Variants in SOX5 observed in about 807,000 individuals in gnomAD.
The protein encoded by SOX5 is SRY-box transcription factor 5.
Under a neutral mutation model 92.0 loss-of-function variants are expected in SOX5, and 9 were observed. The observed-to-expected ratio is 0.10, with a 90% confidence interval of 0.06 to 0.17. The LOEUF (loss-of-function observed/expected upper bound fraction) is 0.17. SOX5 is among the 10% of genes least tolerant of loss of function. The pLI is 1.00. For missense variants in SOX5, 642 were observed against 944.5 expected, an observed-to-expected ratio of 0.68 and a Z score of 4.20; for synonymous variants, 344 against 336.3, an observed-to-expected ratio of 1.02 and a Z score of -0.25.
chr12:23,727,619 T>C (rs2093204505), intron 6 of SOX5, among the ~76,000 whole-genome samples: 1 of 152,128 alleles, frequency 6.6e-6, no homozygotes, highest in African/African-American at 2.4e-5. Flanking sequence ...ACCTACTCAA[T>C]AAATTTAAAT....
intron 1 of SOX5, among the ~76,000 whole-genome samples, chr12:24,489,214 T>C (rs1391640791): frequency 6.6e-6 from 1 of 152,218 alleles, no homozygotes; most frequent in Non-Finnish European, 1.5e-5. Context: ...CCTAAATGAC[T>C]CTGATGGAGA....
chr12:24,334,508 C>A (rs1436272024), intron 2 of SOX5, among the ~76,000 whole-genome samples: 1 of 152,160 alleles, frequency 6.6e-6, no homozygotes, highest in East Asian at 1.9e-4. Context: ...CCTTTTATTG[C>A]CTGTCGTTTT....
chr12:23,549,496 G>A (rs1943769256), intron 11 of SOX5, among the ~76,000 whole-genome samples: 1 of 151,842 alleles, frequency 6.6e-6, no homozygotes, highest in Admixed American at 6.6e-5. Context: ...ACAGCACTTA[G>A]GAATGCTGAT....
intron 3 of SOX5, among the ~76,000 whole-genome samples, chr12:24,235,264 G>A (rs984670412): frequency 6.6e-6 from 1 of 152,148 alleles, no homozygotes; most frequent in African/African-American, 2.4e-5. Context: ...CAGCTCAGAG[G>A]CATAGAGTAA....
chr12:24,024,123 G>C (rs1309344673), intron 4 of SOX5, among the ~76,000 whole-genome samples: 1 of 151,946 alleles, frequency 6.6e-6, no homozygotes, highest in East Asian at 1.9e-4. Context: ...AGGTTATTTT[G>C]AGGAGATTAT....
chr12:24,196,072 A>G (rs1389220932), intron 4 of SOX5, among the ~76,000 whole-genome samples: 2 of 152,162 alleles, frequency 1.3e-5, no homozygotes, highest in Non-Finnish European at 2.9e-5. Context: ...TTTAGTAGAG[A>G]TGGGGTTTTG....
At chr12:23,689,478 T>G (rs16926610) in intron 6 of SOX5, among the ~76,000 whole-genome samples, 6,353 of 152,226 alleles carry the variant, frequency 0.042, 435 homozygotes, top group African/African-American at 0.14. Flanking sequence ...ACTACTTTTA[T>G]TATTGACTAT....
chr12:24,360,828 G>A (rs891510783), intron 2 of SOX5, among the ~76,000 whole-genome samples: 15 of 152,076 alleles, frequency 9.9e-5, no homozygotes, highest in African/African-American at 1.9e-4. Flanking sequence ...ATCCATTTTC[G>A]CCTGAAACCC....
chr12:24,329,423 C>T (rs963860828), intron 2 of SOX5, among the ~76,000 whole-genome samples: 1 of 152,108 alleles, frequency 6.6e-6, no homozygotes, highest in Non-Finnish European at 1.5e-5. Flanking sequence ...TGAAAACTCA[C>T]AATCATGAGA....
intron 1 of SOX5, among the ~76,000 whole-genome samples, chr12:24,468,623 T>A (rs901188281): frequency 6.6e-6 from 1 of 152,180 alleles, no homozygotes; most frequent in East Asian, 1.9e-4. Flanking sequence ...TGAGGTAAAC[T>A]TTCCCATTCC....
At chr12:24,323,318 T>C (rs531368514) in intron 2 of SOX5, among the ~76,000 whole-genome samples, 2 of 150,706 alleles carry the variant, frequency 1.3e-5, no homozygotes, top group African/African-American at 4.9e-5. Context: ...TGTATATATA[T>C]ATATGCACAT....
At chr12:24,014,417 A>T (rs1188082346) in intron 4 of SOX5, among the ~76,000 whole-genome samples, 1 of 152,194 alleles carries the variant, frequency 6.6e-6, no homozygotes, top group East Asian at 1.9e-4. Context: ...TGAGCCTTTT[A>T]GCCTCTTTCA....
intron 4 of SOX5, among the ~76,000 whole-genome samples, chr12:24,170,340 A>G (rs1490351408): frequency 6.6e-6 from 1 of 152,192 alleles, no homozygotes; most frequent in African/African-American, 2.4e-5. Flanking sequence ...AGAATGGGGC[A>G]AATGCCACAG....
intron 1 of SOX5, among the ~76,000 whole-genome samples, chr12:23,939,950 G>T (rs1443016199): frequency 1.3e-5 from 2 of 150,972 alleles, no homozygotes; most frequent in Non-Finnish European, 3.0e-5. Flanking sequence ...AGTTGATCTT[G>T]CTACTTTCCA....
At chr12:24,454,406 C>T (rs553591218) in intron 1 of SOX5, among the ~76,000 whole-genome samples, 3 of 152,168 alleles carry the variant, frequency 2.0e-5, no homozygotes, top group Non-Finnish European at 4.4e-5. Context: ...TGTGAATTTT[C>T]TACTTGCTTC....
intron 1 of SOX5, among the ~76,000 whole-genome samples, chr12:24,375,097 C>T (rs1330818798): frequency 2.0e-5 from 3 of 151,894 alleles, no homozygotes; most frequent in East Asian, 1.9e-4. Flanking sequence ...CTCAGCCTCC[C>T]GAGTAGCTGG....
rs751620546 is a variant in SOX5, at chr12:23,839,241, T to C, written c.481+6742A>G. ...TCCTGTTGGGACTTACTCATGGGGA[T>C]TGGCATGTCATACACTTCCAAATTA... On this transcript the variant is annotated intron_variant, in intron 3 of 14. Transcript: ENST00000451604. Among the ~76,000 whole-genome samples the C allele has an allele frequency of 3.9e-5, 6 of 152,036 alleles. No homozygotes were observed. In the South Asian group the frequency reaches 6.2e-4, roughly 16 times the overall value.
chr12:23,979,184 T>C (rs1323279714), intron 4 of SOX5, among the ~76,000 whole-genome samples: 2 of 152,152 alleles, frequency 1.3e-5, no homozygotes, highest in East Asian at 1.9e-4. Flanking sequence ...TAAAAGCTGA[T>C]TCTAGGACTT....
chr12:24,510,401 A>G (rs1300501039), intron 1 of SOX5, among the ~76,000 whole-genome samples: 3 of 152,250 alleles, frequency 2.0e-5, no homozygotes, highest in Non-Finnish European at 4.4e-5. Flanking sequence ...AACACAATCA[A>G]CTGGTTCCAA....
Sources: allele counts gnomAD v4.1 joint callset (sites outside exome capture counted in the v4.1 genomes callset), GRCh38; gene constraint gnomAD v4.1.1; transcripts MANE v1.5; gene names NCBI Gene and HGNC (gene_info 2026-07-23, HGNC 2026-07-21).